Variants in KCNH7 observed in about 807,000 individuals in gnomAD.
The protein encoded by KCNH7 is voltage-gated inwardly rectifying potassium channel KCNH7.
A neutral mutation model predicts 120.8 loss-of-function variants in KCNH7; 49 were observed. The ratio of observed to expected loss-of-function variants is 0.41; its 90% CI spans 0.32 to 0.51. The LOEUF (loss-of-function observed/expected upper bound fraction) is 0.51. Among genes scored for constraint, KCNH7 ranks in the 20% least tolerant of loss-of-function variants. The pLI, the probability that KCNH7 is intolerant of heterozygous loss-of-function variation, is 0.38. For synonymous variants in KCNH7, 547 were observed against 516.1 expected, an observed-to-expected ratio of 1.06 and a Z score of -0.81; for missense variants, 1,097 against 1,446.6, an observed-to-expected ratio of 0.76 and a Z score of 3.92.
At chr2:162,789,616 A>G (rs1683848718) in intron 2 of KCNH7, among the ~76,000 whole-genome samples, 1 of 152,040 alleles carries the variant, frequency 6.6e-6, no homozygotes, top group Non-Finnish European at 1.5e-5. Context: ...CCACAAAACA[A>G]GATTTACCAA....
intron 2 of KCNH7, among the ~76,000 whole-genome samples, chr2:162,756,711 C>T (rs907786257): frequency 6.6e-6 from 1 of 152,126 alleles, no homozygotes; most frequent in African/African-American, 2.4e-5. Context: ...CGTCCTCTTG[C>T]GTTGGCCTCC....
chr2:162,750,848 T>C (rs1434868636), intron 2 of KCNH7, among the ~76,000 whole-genome samples: 1 of 152,198 alleles, frequency 6.6e-6, no homozygotes, highest in Non-Finnish European at 1.5e-5. Context: ...AATATTTATA[T>C]GGAAAATACA....
intron 6 of KCNH7, among the ~76,000 whole-genome samples, chr2:162,501,468 C>T (rs1315032178): frequency 6.6e-6 from 1 of 152,010 alleles, no homozygotes; most frequent in African/African-American, 2.4e-5. Flanking sequence ...TGGGGTCTTT[C>T]TGTGGGCCTC....
intron 2 of KCNH7, among the ~76,000 whole-genome samples, chr2:162,693,959 T>C (rs919017369): frequency 6.6e-6 from 1 of 152,164 alleles, no homozygotes; most frequent in South Asian, 2.1e-4. Flanking sequence ...ATTTAAATGG[T>C]ACAGTGATTT....
chr2:162,610,957 A>C (rs1682942933), intron 2 of KCNH7, among the ~76,000 whole-genome samples: 1 of 152,262 alleles, frequency 6.6e-6, no homozygotes, highest in African/African-American at 2.4e-5. Context: ...TAATGAGGAC[A>C]GAAGGACTCA....
chr2:162,421,007 A>G (rs1291229915), intron 9 of KCNH7, among the ~76,000 whole-genome samples: 1 of 152,050 alleles, frequency 6.6e-6, no homozygotes, highest in Non-Finnish European at 1.5e-5. Context: ...ACTTTGTTTC[A>G]TAAGTAGTGC....
At chr2:162,790,817 G>GA (rs1683910693) in intron 2 of KCNH7, among the ~76,000 whole-genome samples, 1 of 151,896 alleles carries the variant, frequency 6.6e-6, no homozygotes, top group Non-Finnish European at 1.5e-5. Context: ...ATTAGATAAA[G>GA]AAAAAATGTA....
rs776057004 is a variant in KCNH7, at chr2:162,536,988, C to T, written c.400G>A (p.Asp134Asn). 2.5e-6 allele frequency: 4 copies of T among 1,612,844 alleles called. No homozygotes were observed. The highest frequency in any genetic ancestry group is 3.4e-6 in the Non-Finnish European group (4 of 1,179,190). ...TCTGGGGTGGCAGCGTTTTCATTAT[C>T]CGTCACATATTCAAAATTAATGATG... ...MFIINFEYVT[D>N]NENAATPERV... The change falls in exon 3 of 16, where the codon GAT (aspartate) becomes AAT (asparagine). Residue 134 changes from aspartate to asparagine, a missense_variant. By Grantham distance (23) the Asp-to-Asn change is conservative. Transcript: ENST00000332142.
chr2:162,382,582 C>T (rs1203674062), intron 13 of KCNH7, among the ~76,000 whole-genome samples: 1 of 151,958 alleles, frequency 6.6e-6, no homozygotes, highest in East Asian at 1.9e-4. Context: ...GAACAGAGTC[C>T]ATTTAATTTG....
chr2:162,429,081 A>G (rs1687969801), intron 8 of KCNH7, among the ~76,000 whole-genome samples: 1 of 151,428 alleles, frequency 6.6e-6, no homozygotes, highest in African/African-American at 2.4e-5. Context: ...AATATTTTAC[A>G]TTTGTTATTT....
At chr2:162,498,315 G>A (rs1558978668) in intron 6 of KCNH7, among the ~76,000 whole-genome samples, 1 of 104,580 alleles carries the variant, frequency 9.6e-6, no homozygotes, top group East Asian at 2.2e-4. Context: ...TGGCCTTGTA[G>A]CATTTAATTT....
chr2:162,657,280 T>G (rs932036980), intron 2 of KCNH7, among the ~76,000 whole-genome samples: 1 of 152,200 alleles, frequency 6.6e-6, no homozygotes, highest in East Asian at 1.9e-4. Context: ...ATAGTTTCAC[T>G]GCACTAAATA....
At chr2:162,414,030 C>T (rs1687471083) in intron 9 of KCNH7, among the ~76,000 whole-genome samples, 1 of 151,818 alleles carries the variant, frequency 6.6e-6, no homozygotes, top group South Asian at 2.1e-4. Flanking sequence ...AAGGTGCTTA[C>T]ATTTAACAGT....
intron 3 of KCNH7, among the ~76,000 whole-genome samples, chr2:162,535,289 A>G (rs1427125511): frequency 6.6e-6 from 1 of 151,848 alleles, no homozygotes; most frequent in East Asian, 1.9e-4. Flanking sequence ...AAGGAAATAT[A>G]AAACAATTTT....
intron 2 of KCNH7, among the ~76,000 whole-genome samples, chr2:162,614,381 A>T (rs1683072553): frequency 6.6e-6 from 1 of 152,178 alleles, no homozygotes; most frequent in South Asian, 2.1e-4. Context: ...CTGTATGGAA[A>T]GTCTTAAACA....
intron 2 of KCNH7, among the ~76,000 whole-genome samples, chr2:162,619,994 A>C (rs1266241967): frequency 6.6e-6 from 1 of 151,880 alleles, no homozygotes; most frequent in African/African-American, 2.4e-5. Flanking sequence ...TAAGTCCAAC[A>C]TACTGGGAAT....
intron 3 of KCNH7, among the ~76,000 whole-genome samples, chr2:162,536,003 C>G (rs559746947): frequency 1.3e-5 from 2 of 151,726 alleles, no homozygotes; most frequent in South Asian, 4.2e-4. Context: ...CACTATACAC[C>G]AAAATAAGCT....
intron 2 of KCNH7, among the ~76,000 whole-genome samples, chr2:162,629,139 T>C (rs1683667740): frequency 6.6e-6 from 1 of 152,152 alleles, no homozygotes; most frequent in Admixed American, 6.6e-5. Context: ...GCTGACTTTC[T>C]TACCTCACTA....
At chr2:162,601,803 G>A (rs548007998) in intron 2 of KCNH7, among the ~76,000 whole-genome samples, 40 of 151,990 alleles carry the variant, frequency 2.6e-4, no homozygotes, top group Admixed American at 5.9e-4. Context: ...ACCTTTTCAT[G>A]ACATGTACCT....
Sources: gnomAD v4.1 joint callset for allele counts (sites outside exome capture counted in the v4.1 genomes callset) on GRCh38, gnomAD v4.1.1 for gene constraint, MANE v1.5 for transcripts, NCBI Gene and HGNC (gene_info 2026-07-23, HGNC 2026-07-21) for gene names.